RBP7: variants seen among roughly 807,000 people sequenced by gnomAD.
RBP7 encodes the protein retinol binding protein 7.
RBP7 carries 13 observed loss-of-function variants against 16.7 expected under a neutral mutation model. The observed-to-expected ratio is 0.78, with a 90% CI of 0.51 to 1.24. RBP7 has a LOEUF of 1.24. RBP7 is among the 50% of genes most tolerant of loss of function. The pLI, the probability that RBP7 is intolerant of heterozygous loss-of-function variation, is 0.00. For missense variants in RBP7, 145 were observed against 159.5 expected (o/e 0.91, Z 0.49); for synonymous variants, 54 against 56.2 (o/e 0.96, Z 0.17).
chr1:10,007,791 A>G (rs2101736516), intron 2 of RBP7, 43 bp downstream of exon 2: 2 of 1,587,290 alleles, frequency 1.3e-6, no homozygotes, highest in South Asian at 2.3e-5. Flanking sequence ...TTACGCTTGT[A>G]ATCCTAACAC....
chr1:10,004,912 G>C (rs542107585), intron 1 of RBP7, among the ~76,000 whole-genome samples: 6 of 152,234 alleles, frequency 3.9e-5, no homozygotes, highest in Admixed American at 6.6e-5. Context: ...AAGATCTCTC[G>C]AGCCTGGGAA....
chr1:10,015,991 T>C lies in RBP7; in HGVS notation c.*159T>C, dbSNP rs1181720213. The C allele has an allele frequency of 1.6e-6, 1 of 628,710 alleles. No homozygotes were observed. Among genetic ancestry groups the C allele is most frequent in the Non-Finnish European group, 2.8e-6 (1 of 354,528 alleles). 38.9% of individuals were successfully genotyped at this position (628,710 alleles called of 1,614,324 possible). ...GAAGTCATCTAGATTATGGGGAAACTGCTCAGCTTCAATAAACCTGTCCAA... is the reference window on the plus strand; with the variant it reads ...GAAGTCATCTAGATTATGGGGAAACCGCTCAGCTTCAATAAACCTGTCCAA... On this transcript the variant is annotated 3_prime_UTR_variant, in exon 4 of 4. Coordinates refer to ENST00000294435, the MANE Select transcript of RBP7 (RefSeq NM_052960.3).
chr1:10,005,127 C>G (rs931085490), intron 1 of RBP7, among the ~76,000 whole-genome samples: 2 of 152,188 alleles, frequency 1.3e-5, no homozygotes, highest in Admixed American at 1.3e-4. Context: ...GATTTAAACA[C>G]ACACACACAA....
At chr1:10,015,334 G>C (rs1642746482) in intron 3 of RBP7, among the ~76,000 whole-genome samples, 1 of 151,992 alleles carries the variant, frequency 6.6e-6, no homozygotes, top group Non-Finnish European at 1.5e-5. Context: ...TAGCTACTCA[G>C]GAGGCCGAGG....
At chr1:9,998,022 C>G (rs1324589961) in intron 1 of RBP7, among the ~76,000 whole-genome samples, 1 of 152,224 alleles carries the variant, frequency 6.6e-6, no homozygotes, top group Non-Finnish European at 1.5e-5. Flanking sequence ...CTGTGCTTCC[C>G]GCCCTCATCG....
chr1:10,001,646 G>A (rs1231992181), intron 1 of RBP7, among the ~76,000 whole-genome samples: 1 of 152,006 alleles, frequency 6.6e-6, no homozygotes, highest in African/African-American at 2.4e-5. Flanking sequence ...CACTGAAGGT[G>A]CGTGCTTCAG....
In RBP7 at chr1:10,008,291, G is replaced by T. The variant is rs774378527; in HGVS notation, c.354+17G>T. 8.0e-6 allele frequency: 12 copies of T among 1,508,324 alleles called. No homozygotes were observed. The highest frequency in any genetic ancestry group is 1.1e-5 in the Non-Finnish European group (12 of 1,084,276). 93.4% of individuals were successfully genotyped at this position (1,508,324 alleles called of 1,614,324 possible). On this transcript the variant is annotated intron_variant, in intron 3 of 3. Coordinates refer to ENST00000294435, the MANE Select transcript of RBP7 (RefSeq NM_052960.3). The stretch of plus-strand genomic sequence containing the variant: ...CTCCACCTGGTATCCACCACATTTT[G>T]TTCTTAATGAGATGATACAGTATTA...
In RBP7 at chr1:9,997,247, C is replaced by A; in HGVS notation, c.-12C>A. The A allele has an allele frequency of 6.2e-7, 1 of 1,608,464 alleles. No individual in the cohort carries two copies. ...CCGGCCGCCCGCCGGGTTTGTCCCG[C>A]GATCCCCGACCATGCCCGCCGACCT... On this transcript the variant is annotated 5_prime_UTR_variant, in exon 1 of 4. Coordinates refer to ENST00000294435, the MANE Select transcript of RBP7 (RefSeq NM_052960.3). This position sits in a 1 kb window ranked among gnomAD's most constrained non-coding sequence, Gnocchi z 5.9.
At chr1:10,004,458 C>T (rs1642370719) in intron 1 of RBP7, among the ~76,000 whole-genome samples, 1 of 151,410 alleles carries the variant, frequency 6.6e-6, no homozygotes, top group African/African-American at 2.4e-5. Context: ...TCACCTCAAC[C>T]TCTGCCTCCC....
chr1:10,004,659 G>A (rs1017902278), intron 1 of RBP7, among the ~76,000 whole-genome samples: 6 of 152,270 alleles, frequency 3.9e-5, no homozygotes, highest in Admixed American at 2.0e-4. Flanking sequence ...CGTGCCCGGC[G>A]CCTCACAGAT....
chr1:10,013,645 C>T (rs1257430521), intron 3 of RBP7, among the ~76,000 whole-genome samples: 2 of 151,920 alleles, frequency 1.3e-5, no homozygotes, highest in Non-Finnish European at 2.9e-5. Flanking sequence ...GCTGTCTCTA[C>T]TAAAAAATAC....
At chr1:10,009,339 G>A (rs952862124) in intron 3 of RBP7, among the ~76,000 whole-genome samples, 1 of 152,054 alleles carries the variant, frequency 6.6e-6, no homozygotes, top group South Asian at 2.1e-4. Context: ...GAACCAGTTA[G>A]TCGGAGGTTG....
intron 3 of RBP7, among the ~76,000 whole-genome samples, chr1:10,012,971 A>G (rs1281311018): frequency 1.3e-5 from 2 of 151,108 alleles, no homozygotes; most frequent in Non-Finnish European, 2.9e-5. Context: ...AGAAATACCA[A>G]ATGTGTACAT....
chr1:9,998,431 G>A (rs1380494139), intron 1 of RBP7, among the ~76,000 whole-genome samples: 3 of 76,894 alleles, frequency 3.9e-5, no homozygotes, highest in African/African-American at 1.1e-4. Context: ...TTTTTGAGAC[G>A]GAGTCTCGCT....
chr1:10,003,667 A>G (rs891489956), intron 1 of RBP7, among the ~76,000 whole-genome samples: 6 of 152,236 alleles, frequency 3.9e-5, no homozygotes, highest in Admixed American at 6.5e-5. Flanking sequence ...GAACCTCTGC[A>G]GGCTAATCCC....
chr1:9,999,446 G>A (rs1311429428), intron 1 of RBP7, among the ~76,000 whole-genome samples: 1 of 152,138 alleles, frequency 6.6e-6, no homozygotes, highest in Non-Finnish European at 1.5e-5. Flanking sequence ...CAGCTACTTT[G>A]GGAGGCTGAG....
chr1:10,010,471 C>T (rs922406247), intron 3 of RBP7, among the ~76,000 whole-genome samples: 2 of 152,050 alleles, frequency 1.3e-5, no homozygotes, highest in Admixed American at 1.3e-4. Context: ...GGCTTGAGTG[C>T]AGTGGCGCAA....
At chr1:10,009,035 A>G (rs1388415056) in intron 3 of RBP7, among the ~76,000 whole-genome samples, 1 of 152,154 alleles carries the variant, frequency 6.6e-6, no homozygotes, top group African/African-American at 2.4e-5. Flanking sequence ...TGTGAAAAGG[A>G]CGCCATTTTT....
intron 1 of RBP7, chr1:10,004,289 C>CGCG: frequency 6.6e-6 from 1 of 151,008 alleles, no homozygotes; most frequent in East Asian, 1.9e-4. Flanking sequence ...TCAGGCTGGT[C>CGCG]TCCAACTCCC....
Sources: gnomAD v4.1 joint callset for allele counts (sites outside exome capture counted in the v4.1 genomes callset) on GRCh38, gnomAD v4.1.1 for gene constraint, Gnocchi (gnomAD v3.1) non-coding constraint, MANE v1.5 for transcripts, NCBI Gene and HGNC (gene_info 2026-07-23, HGNC 2026-07-21) for gene names.